Variants in METAP1 observed in about 807,000 individuals in gnomAD.
METAP1 encodes methionine aminopeptidase 1.
METAP1 carries 28 observed loss-of-function variants against 53.8 expected under a neutral mutation model. The observed-to-expected ratio is 0.52, with a 90% CI of 0.39 to 0.71. METAP1 has a LOEUF of 0.71. METAP1 is among the 30% of genes least tolerant of loss of function. The probability of loss-of-function intolerance (pLI) is 0.00; values close to 1 mark genes in which losing one functional copy is unlikely to be tolerated. For synonymous variants in METAP1, 181 were observed against 165.7 expected (o/e 1.09, Z -0.71); for missense variants, 389 against 479.8 (o/e 0.81, Z 1.77).
intron 1 of METAP1, among the ~76,000 whole-genome samples, chr4:99,028,265 AC>A (rs1334677256): frequency 2.0e-5 from 3 of 152,142 alleles, no homozygotes; most frequent in African/African-American, 7.2e-5. Context: ...TGTTACATGA[AC>A]ATATTTTCCT....
intron 10 of METAP1, among the ~76,000 whole-genome samples, 187 bp from the exon 11 acceptor site, chr4:99,060,967 T>G (rs1727508509): frequency 6.6e-6 from 1 of 152,208 alleles, no homozygotes; most frequent in Non-Finnish European, 1.5e-5. Flanking sequence ...AAAATGTGGT[T>G]GTAATACATC....
At chr4:99,056,810 C>T (rs977951933) in intron 9 of METAP1, among the ~76,000 whole-genome samples, 2 of 151,430 alleles carry the variant, frequency 1.3e-5, no homozygotes, top group African/African-American at 2.4e-5. Flanking sequence ...ACCTCGTGAT[C>T]CACCAACCTC....
chr4:99,058,440 T>G (rs537886808), intron 10 of METAP1, among the ~76,000 whole-genome samples: 87 of 152,226 alleles, frequency 5.7e-4, no homozygotes, highest in Admixed American at 1.6e-3. Flanking sequence ...GAAAGCACAC[T>G]TGGCTCTGGC....
chr4:99,056,023 C>T (rs1233214678), intron 9 of METAP1, among the ~76,000 whole-genome samples: 1 of 152,176 alleles, frequency 6.6e-6, no homozygotes, highest in East Asian at 1.9e-4. Flanking sequence ...TTGGCAATAC[C>T]TAAGATAGTG....
At chr4:99,050,689 C>T (rs964608737) in intron 9 of METAP1, among the ~76,000 whole-genome samples, 20 of 152,258 alleles carry the variant, frequency 1.3e-4, no homozygotes, top group African/African-American at 3.1e-4. Flanking sequence ...ATTAGATTCT[C>T]ATAGGAGTTT....
intron 1 of METAP1, among the ~76,000 whole-genome samples, chr4:99,021,015 A>C (rs1310802052): frequency 6.6e-6 from 1 of 152,062 alleles, no homozygotes; most frequent in Non-Finnish European, 1.5e-5. Flanking sequence ...TTCCCAGTAG[A>C]CTCAATCCCC....
intron 1 of METAP1, among the ~76,000 whole-genome samples, chr4:99,003,453 T>G (rs1336426717): frequency 3.9e-5 from 6 of 152,078 alleles, no homozygotes; most frequent in African/African-American, 1.4e-4. Context: ...GTCTTCTGAG[T>G]GGGGATTTAT....
intron 1 of METAP1, among the ~76,000 whole-genome samples, chr4:99,014,791 G>A (rs1311808614): frequency 1.3e-5 from 2 of 152,190 alleles, no homozygotes; most frequent in Admixed American, 1.3e-4. Flanking sequence ...ACCACCATAT[G>A]TCCCACTCAA....
chr4:99,017,006 G>A (rs1167611192), intron 1 of METAP1, among the ~76,000 whole-genome samples: 1 of 152,180 alleles, frequency 6.6e-6, no homozygotes, highest in Non-Finnish European at 1.5e-5. Flanking sequence ...GAGAAAATAG[G>A]AGCTAATTTG....
chr4:99,033,561 C>T (rs967789975), intron 2 of METAP1, among the ~76,000 whole-genome samples: 1 of 152,114 alleles, frequency 6.6e-6, no homozygotes, highest in African/African-American at 2.4e-5. Context: ...ATAACTGACA[C>T]GATTGTGTGT....
chr4:99,021,148 A>T (rs1425246282), intron 1 of METAP1, among the ~76,000 whole-genome samples: 1 of 152,128 alleles, frequency 6.6e-6, no homozygotes, highest in Non-Finnish European at 1.5e-5. Context: ...CCCTGGAGAT[A>T]ACTTTCTCCC....
At chr4:99,045,762 T>C (rs945791446) in intron 8 of METAP1, among the ~76,000 whole-genome samples, 2 of 152,186 alleles carry the variant, frequency 1.3e-5, no homozygotes, top group Admixed American at 1.3e-4. Flanking sequence ...AGGTTTTTTC[T>C]CTCTCCTGTG....
chr4:99,010,405 A>G (rs915726017), intron 1 of METAP1, among the ~76,000 whole-genome samples: 2 of 152,212 alleles, frequency 1.3e-5, no homozygotes, highest in Admixed American at 1.3e-4. Flanking sequence ...GCAGTGAGCT[A>G]TGATTGTGCC....
chr4:99,054,864 G>A (rs1007107742), intron 9 of METAP1, among the ~76,000 whole-genome samples: 18 of 152,118 alleles, frequency 1.2e-4, no homozygotes, highest in Admixed American at 2.0e-4. Context: ...TTTGTTTGCC[G>A]TCTTTACATG....
At chr4:99,016,552 A>G (rs568323441) in intron 1 of METAP1, among the ~76,000 whole-genome samples, 40 of 152,322 alleles carry the variant, frequency 2.6e-4, no homozygotes, top group African/African-American at 7.7e-4. Flanking sequence ...AATATGTTCA[A>G]TTAAGGCCGT....
intron 9 of METAP1, among the ~76,000 whole-genome samples, chr4:99,052,679 C>A (rs760034848): frequency 9.9e-5 from 15 of 152,208 alleles, no homozygotes; most frequent in Non-Finnish European, 2.1e-4. Context: ...TACATTTCAA[C>A]ATAAGATTTG....
In METAP1 at chr4:99,028,981, A is replaced by G. The variant is rs761665027; in HGVS notation, c.166+63A>G. The G allele has an allele frequency of 1.7e-5, 19 of 1,093,318 alleles. No individual in the cohort carries two copies. In the Middle Eastern group the frequency reaches 6.0e-4, roughly 35 times the overall value. 67.7% of individuals were successfully genotyped at this position (1,093,318 alleles called of 1,614,324 possible). On this transcript the variant is annotated intron_variant, in intron 2 of 10. Transcript: ENST00000296411. ...GAAGTGGCATTTGTGCCAGAAAACA[A>G]GAATTCTTCTAGTTCTGAAAGTGTA...
intron 1 of METAP1, among the ~76,000 whole-genome samples, chr4:99,009,119 A>G (rs1723339778): frequency 6.6e-6 from 1 of 152,226 alleles, no homozygotes; most frequent in Admixed American, 6.5e-5. Flanking sequence ...TATAAGTCAG[A>G]TTACACAATA....
intron 1 of METAP1, among the ~76,000 whole-genome samples, chr4:99,010,664 G>A (rs75343722): frequency 0.012 from 1,875 of 152,234 alleles, 38 homozygotes; most frequent in African/African-American, 0.043. Context: ...GGTCCCTTGA[G>A]ATTTCATATG....
Sources: allele counts gnomAD v4.1 joint callset (sites outside exome capture counted in the v4.1 genomes callset), GRCh38; gene constraint gnomAD v4.1.1; transcripts MANE v1.5; gene names NCBI Gene and HGNC (gene_info 2026-07-23, HGNC 2026-07-21).